HEXA: variants seen among roughly 807,000 people sequenced by gnomAD.
HEXA encodes beta-hexosaminidase subunit alpha.
Under a neutral mutation model 73.3 loss-of-function variants are expected in HEXA, and 54 were observed. That is an observed-to-expected ratio of 0.74 (90% CI 0.59 to 0.92). The LOEUF (loss-of-function observed/expected upper bound fraction) is 0.92, where lower values mean the gene tolerates loss of function less well. Ranked by LOEUF, HEXA falls within the 40% of genes least tolerant of loss-of-function variation. HEXA has a pLI of 0.00. For synonymous variants in HEXA, 230 were observed against 246.9 expected (o/e 0.93, Z 0.64); for missense variants, 649 against 653.0 (o/e 0.99, Z 0.07).
rs1440741757 is a variant in HEXA, at chr15:72,343,910, C to A, written c.*167G>T. The stretch of plus-strand genomic sequence containing the variant: ...TTTATTATAGAAAAATGCCACATTA[C>A]TCTTTATTGAATGCGAGCGCCAGCA... On this transcript the variant is annotated 3_prime_UTR_variant, in exon 14 of 14. Transcript: ENST00000268097. 1 of 627,956 alleles carries A rather than the reference C, an allele frequency of 1.6e-6. No homozygotes were observed. The highest frequency in any genetic ancestry group is 1.8e-5 in the African/African-American group (1 of 54,064). 38.9% of individuals were successfully genotyped at this position (627,956 alleles called of 1,614,324 possible).
chr15:72,367,053 G>A (rs80238386), intron 1 of HEXA, among the ~76,000 whole-genome samples: 3 of 151,478 alleles, frequency 2.0e-5, no homozygotes, highest in Admixed American at 6.6e-5. Flanking sequence ...AAGCGATTCT[G>A]CTGCCTCAGC....
At chr15:72,347,980 G>T in intron 9 of HEXA, 68 bp downstream of exon 9, 2 of 1,139,006 alleles carry the variant, frequency 1.8e-6, no homozygotes, top group Non-Finnish European at 2.7e-6. Context: ...GGCCTGACTC[G>T]GTATGGAAAG....
At chr15:72,370,806 T>C (rs2088982144) in intron 1 of HEXA, 2 of 393,636 alleles carry the variant, frequency 5.1e-6, no homozygotes. Flanking sequence ...AAATGAAATA[T>C]GACACTTATT....
At chr15:72,356,108 A>C in intron 2 of HEXA, 1 of 384,544 alleles carries the variant, frequency 2.6e-6, no homozygotes, top group Admixed American at 3.4e-5. Flanking sequence ...CACTTTGGAG[A>C]CTGAGAAGTC....
intron 1 of HEXA, among the ~76,000 whole-genome samples, chr15:72,373,556 T>C (rs2140342186): frequency 6.6e-6 from 1 of 152,326 alleles, no homozygotes; most frequent in Non-Finnish European, 1.5e-5. Context: ...AGGTAATATA[T>C]GGAAATAAAC....
chr15:72,344,108 C>T lies in HEXA; in HGVS notation c.1559G>A (p.Gly520Asp). The T allele has an allele frequency of 6.2e-7, 1 of 1,613,958 alleles. No individual in the cohort carries two copies. The highest frequency in any genetic ancestry group is 8.5e-7 in the Non-Finnish European group (1 of 1,179,904). Residue 520 changes from glycine to aspartate, a missense_variant, in exon 14 of 14, where the codon GGC becomes GAC. Coordinates refer to ENST00000268097, the MANE Select transcript of HEXA (RefSeq NM_000520.6). ...RGVQAQPLNVGFCEQEFEQT is the reference protein window; with the variant it reads ...RGVQAQPLNVDFCEQEFEQT Reference sequence around the variant, plus strand: ...CTGTTCAAACTCCTGCTCACAGAAGCCTACATTGAGGGGTTGGGCCTGGAC... The same window carrying T: ...CTGTTCAAACTCCTGCTCACAGAAGTCTACATTGAGGGGTTGGGCCTGGAC...
rs930231608 is a variant in HEXA, at chr15:72,353,169, T to C, written c.469A>G (p.Asn157Asp). The change falls in exon 5 of 14, where the codon AAC (asparagine) becomes GAC (aspartate). Residue 157 changes from asparagine to aspartate, a missense_variant. Coordinates refer to ENST00000268097, the MANE Select transcript of HEXA (RefSeq NM_000520.6). Reference protein sequence around the residue: ...WKSAEGTFFINKTEIEDFPRF... With the variant: ...WKSAEGTFFIDKTEIEDFPRF... ...GGAAAGTCCTCAATCTCAGTCTTGTTGATAAAGAACTGTGCAGAACAAACA... is the reference window on the plus strand; with the variant it reads ...GGAAAGTCCTCAATCTCAGTCTTGTCGATAAAGAACTGTGCAGAACAAACA... 1.9e-6 allele frequency: 3 copies of C among 1,604,672 alleles called. No homozygotes were observed. Among genetic ancestry groups the C allele is most frequent in the Non-Finnish European group, 2.6e-6 (3 of 1,171,598 alleles).
intron 1 of HEXA, chr15:72,357,148 C>T (rs1484233107): frequency 4.4e-6 from 1 of 227,122 alleles, no homozygotes; most frequent in African/African-American, 2.2e-5. Context: ...CATTCTGGTA[C>T]ATATGCTTCT....
At chr15:72,362,328 T>C in intron 1 of HEXA, 1 of 398,506 alleles carries the variant, frequency 2.5e-6, no homozygotes, top group Non-Finnish European at 5.1e-6. Context: ...CATACATTTT[T>C]CAAAACACTT....
chr15:72,358,349 C>T (rs1050107575), intron 1 of HEXA: 1 of 152,188 alleles, frequency 6.6e-6, no homozygotes, highest in Non-Finnish European at 1.5e-5. Flanking sequence ...GAAATCACAA[C>T]TAATCCATAT....
chr15:72,345,858 G>A (rs1263661862), intron 12 of HEXA: 1 of 524,778 alleles, frequency 1.9e-6, no homozygotes, highest in Non-Finnish European at 3.4e-6. Context: ...TCCTTAAAAT[G>A]TAAACTTTGC....
chr15:72,356,650 C>T lies in HEXA; in HGVS notation c.254-33G>A, dbSNP rs186468379. 452 of 1,613,222 alleles carry T rather than the reference C, an allele frequency of 2.8e-4. 2 individuals are homozygous for T. In the African/African-American group the frequency reaches 5.5e-3, roughly 20 times the overall value. ...GACAGGGTAAGCTTGGTGCGGCCAA[C>T]CTGCCATTAGAAGCAACAGGCAAAA... is the stretch of plus-strand genomic sequence containing the variant. On this transcript the variant is annotated intron_variant, in intron 1 of 13. Transcript: ENST00000268097.
At position 72,351,199 on chromosome 15, in the gene HEXA, G is replaced by C; in HGVS notation, c.606C>G (p.His202Gln). Residue 202 changes from histidine (H) to glutamine (Q), a missense_variant, in exon 6 of 14, where the codon CAC becomes CAG. His to Gln is a conservative substitution (Grantham distance 24). Transcript: ENST00000268097. ...AGGAAGGATCATCTACCAGATGCCA[G>C]TGGAACACGTTCAATTTATTGTACG... ...VMAYNKLNVFHWHLVDDPSFP... is the reference protein window; with the variant it reads ...VMAYNKLNVFQWHLVDDPSFP... 1 of 1,612,594 alleles carries C rather than the reference G, an allele frequency of 6.2e-7. No homozygotes were observed. Among genetic ancestry groups the C allele is most frequent in the Non-Finnish European group, 8.5e-7 (1 of 1,178,594 alleles).
At chr15:72,363,133 A>AAT (rs1419422184) in intron 1 of HEXA, among the ~76,000 whole-genome samples, 3 of 152,118 alleles carry the variant, frequency 2.0e-5, no homozygotes, top group African/African-American at 7.2e-5. Flanking sequence ...TATTCTGCCT[A>AAT]ATAAAAGCCC....
At position 72,351,138 on chromosome 15, in the gene HEXA, T is replaced by C. The variant is rs1595800426; in HGVS notation, c.667A>G (p.Arg223Gly). Residue 223 changes from arginine (R) to glycine (G), a missense_variant, in exon 6 of 14, where the codon AGA (arginine) becomes GGA (glycine). Arg to Gly is a moderately radical substitution (Grantham distance 125). Transcript: ENST00000268097. ...YESFTFPELM[R>G]KGSYNPVTHI... The stretch of plus-strand genomic sequence containing the variant: ...TGAGTGAAACGGGAACATACCTTTC[T>C]CATGAGCTCTGGAAAAGTGAAGCTC... 1.3e-6 allele frequency: 2 copies of C among 1,595,190 alleles called. No homozygotes were observed. The highest frequency in any genetic ancestry group is 1.7e-6 in the Non-Finnish European group (2 of 1,162,690).
At position 72,356,531 on chromosome 15, in the gene HEXA, C is replaced by G. The variant is rs748190164; in HGVS notation, c.340G>C (p.Glu114Gln). Residue 114 changes from glutamate to glutamine, a missense_variant, in exon 2 of 14, where the codon GAG becomes CAG. Transcript: ENST00000268097. Reference sequence around the variant, plus strand: ...GGAACAGGATGGTACTTACAATTCTCCACTGACTCCAAAGTAGGAAGCTGG... The same window carrying G: ...GGAACAGGATGGTACTTACAATTCTGCACTGACTCCAAAGTAGGAAGCTGG... ...CNQLPTLESV[E>Q]NYTLTINDDQ... The G allele has an allele frequency of 6.2e-7, 1 of 1,614,054 alleles. No homozygotes were observed. The highest frequency in any genetic ancestry group is 8.5e-7 in the Non-Finnish European group (1 of 1,179,964).
In HEXA at chr15:72,345,435, AGCTT is replaced by A. The variant is rs1165016914; in HGVS notation, c.1526+7_1526+10del. The A allele has an allele frequency of 8.7e-6, 14 of 1,614,032 alleles. No homozygotes were observed. The highest frequency in any genetic ancestry group is 1.2e-5 in the Non-Finnish European group (14 of 1,180,004). On this transcript the variant is annotated splice_region_variant and intron_variant, in intron 13 of 13. Coordinates refer to ENST00000268097, the MANE Select transcript of HEXA (RefSeq NM_000520.6). ...CTGCTCCGCCTTGCGAAGGCCCCAC[AGCTT>A]GCTTACCTCAGCAATTCACAGCGGA...
chr15:72,372,031 A>C (rs1056539004), intron 1 of HEXA, among the ~76,000 whole-genome samples: 3 of 152,162 alleles, frequency 2.0e-5, no homozygotes, highest in Admixed American at 1.3e-4. Flanking sequence ...GCTTCTATCA[A>C]CCAGTTTCAG....
In HEXA at chr15:72,341,476, C is replaced by G. The variant is rs1404217921; in HGVS notation, c.*2601G>C. 1.4e-5 allele frequency: 2 copies of G among 142,358 alleles called. No individual in the cohort carries two copies. The highest frequency in any genetic ancestry group is 3.0e-5 in the Non-Finnish European group (2 of 66,532). 8.8% of individuals were successfully genotyped at this position (142,358 alleles called of 1,614,324 possible). ...TCCTTTGCTTTGATACCCGTTAGGCCTGCTTTGCCTCCTTAATAGACTCCT... is the reference window on the plus strand; with the variant it reads ...TCCTTTGCTTTGATACCCGTTAGGCGTGCTTTGCCTCCTTAATAGACTCCT... On this transcript the variant is annotated 3_prime_UTR_variant, in exon 14 of 14. Coordinates refer to ENST00000268097, the MANE Select transcript of HEXA (RefSeq NM_000520.6).
Sources: gnomAD v4.1 joint callset for allele counts (sites outside exome capture counted in the v4.1 genomes callset) on GRCh38, gnomAD v4.1.1 for gene constraint, MANE v1.5 for transcripts, NCBI Gene and HGNC (gene_info 2026-07-23, HGNC 2026-07-21) for gene names.